Variants in FAM13A observed in about 807,000 individuals in gnomAD.
The protein encoded by FAM13A is family with sequence similarity 13 member A, also known as protein FAM13A.
In FAM13A, 76 loss-of-function variants were observed where a neutral mutation model predicts 129.6. The ratio of observed to expected loss-of-function variants is 0.59; its 90% CI spans 0.49 to 0.71. The LOEUF is 0.71. FAM13A is among the 30% of genes least tolerant of loss of function. FAM13A has a pLI of 0.00. For synonymous variants in FAM13A, 443 were observed against 449.9 expected (o/e 0.98, Z 0.20); for missense variants, 1,108 against 1,249.3 (o/e 0.89, Z 1.70).
intron 6 of FAM13A, among the ~76,000 whole-genome samples, chr4:88,878,158 C>T (rs1442253516): frequency 1.3e-5 from 2 of 151,644 alleles, no homozygotes; most frequent in Middle Eastern, 3.2e-3. Context: ...GGCGTGGTGG[C>T]GGGTGCCTGT....
At chr4:88,865,907 T>G (rs1207631886) in intron 6 of FAM13A, among the ~76,000 whole-genome samples, 10 of 126,050 alleles carry the variant, frequency 7.9e-5, no homozygotes, top group Non-Finnish European at 1.5e-4. Context: ...TTTTTTTTTT[T>G]GAGACAGAGT....
intron 9 of FAM13A, among the ~76,000 whole-genome samples, chr4:88,788,333 A>G (rs1184015362): frequency 2.6e-5 from 4 of 152,190 alleles, no homozygotes; most frequent in Non-Finnish European, 5.9e-5. Context: ...CTACAGAGGA[A>G]GAGAGAGTGA....
chr4:88,730,552 G>A (rs549420327), intron 23 of FAM13A, among the ~76,000 whole-genome samples: 6 of 151,942 alleles, frequency 3.9e-5, no homozygotes, highest in East Asian at 1.9e-4. Flanking sequence ...TACTGCACCC[G>A]GCTAATTTTT....
chr4:88,918,689 T>C (rs4693976), intron 5 of FAM13A, among the ~76,000 whole-genome samples: 44,500 of 152,166 alleles, frequency 0.29, 6,906 homozygotes, highest in African/African-American at 0.4. Flanking sequence ...TGAAAATACA[T>C]GGAGTGAAAA....
At chr4:88,995,948 A>G (rs1004977312) in intron 3 of FAM13A, among the ~76,000 whole-genome samples, 8 of 152,236 alleles carry the variant, frequency 5.3e-5, no homozygotes, top group Non-Finnish European at 7.3e-5. Context: ...GGAGTAAAGC[A>G]GAGTGATGTC....
At chr4:88,957,035 A>G (rs1209314533) in intron 4 of FAM13A, among the ~76,000 whole-genome samples, 1 of 152,104 alleles carries the variant, frequency 6.6e-6, no homozygotes, top group African/African-American at 2.4e-5. Context: ...AGTTATTTAA[A>G]AGTGTGTGGG....
At chr4:88,821,841 C>G (rs538181893) in intron 7 of FAM13A, among the ~76,000 whole-genome samples, 30 of 152,198 alleles carry the variant, frequency 2.0e-4, no homozygotes, top group Non-Finnish European at 3.2e-4. Context: ...ACACCCCCAT[C>G]AGGTTCCCAT....
chr4:88,932,690 C>A (rs879411294), intron 5 of FAM13A, among the ~76,000 whole-genome samples: 2 of 152,128 alleles, frequency 1.3e-5, no homozygotes, highest in Admixed American at 1.3e-4. Flanking sequence ...TGGTAAGTGA[C>A]TTTGATTCTA....
In FAM13A at chr4:88,850,129, A is replaced by G. The variant is rs114497954; in HGVS notation, c.1007+891T>C. Among the ~76,000 whole-genome samples, 926 of 152,264 alleles carry G rather than the reference A, an allele frequency of 6.1e-3. 14 individuals carry two copies. The highest frequency in any genetic ancestry group is 0.021 in the African/African-American group (871 of 41,546). On this transcript the variant is annotated intron_variant, in intron 7 of 23. Coordinates refer to ENST00000264344, the MANE Select transcript of FAM13A (RefSeq NM_014883.4). ...CTTCCTGGAGTATTTTTATTTTAAA[A>G]ATAGGTTATAAGTTATAATAGAAGA... is the stretch of plus-strand genomic sequence containing the variant.
At chr4:88,924,893 A>G (rs1751828174) in intron 5 of FAM13A, among the ~76,000 whole-genome samples, 1 of 151,888 alleles carries the variant, frequency 6.6e-6, no homozygotes, top group African/African-American at 2.4e-5. Context: ...AAGTGGGCAA[A>G]GGATATGAAC....
intron 6 of FAM13A, among the ~76,000 whole-genome samples, chr4:88,859,256 G>A (rs1046843934): frequency 9.9e-5 from 15 of 152,156 alleles, no homozygotes; most frequent in Admixed American, 4.6e-4. Flanking sequence ...ATGCAAATGG[G>A]AATGATTCAA....
At chr4:89,056,915 G>A (rs1031905279) in intron 1 of FAM13A, 23 bp downstream of exon 1, 18 of 1,609,472 alleles carry the variant, frequency 1.1e-5, no homozygotes, top group Non-Finnish European at 1.4e-5. Flanking sequence ...AAACACAGAA[G>A]ACAGAAGAAG....
At chr4:89,037,061 A>C (rs577468844) in intron 1 of FAM13A, among the ~76,000 whole-genome samples, 1 of 152,322 alleles carries the variant, frequency 6.6e-6, no homozygotes, top group East Asian at 1.9e-4. Context: ...GCCCCCATAC[A>C]AGAGTCCCCA....
In FAM13A at chr4:88,727,149, C is replaced by T. The variant is rs1354038452; in HGVS notation, c.*1384G>A. 2.0e-5 allele frequency: 3 copies of T among 152,482 alleles called. No homozygotes were observed. Among genetic ancestry groups the T allele is most frequent in the African/African-American group, 7.2e-5 (3 of 41,438 alleles). The allele number at this position is 152,482 out of a possible 1,614,324, so 9.4% of individuals were successfully genotyped here. On this transcript the variant is annotated 3_prime_UTR_variant, in exon 24 of 24. Transcript: ENST00000264344. The stretch of plus-strand genomic sequence containing the variant: ...GCTGTGTGTTCATACTGTAACACGT[C>T]GTCTAAGGCAGAGCTCCTGAAGCAC...
chr4:88,914,585 A>G (rs76772979), intron 5 of FAM13A, among the ~76,000 whole-genome samples: 326 of 152,168 alleles, frequency 2.1e-3, no homozygotes, highest in African/African-American at 7.6e-3. Flanking sequence ...TTCAGCTCCC[A>G]TGTCACTTCC....
At chr4:88,884,482 G>T (rs1028222706) in intron 6 of FAM13A, among the ~76,000 whole-genome samples, 1 of 152,204 alleles carries the variant, frequency 6.6e-6, no homozygotes, top group South Asian at 2.1e-4. Context: ...AGCAAAACTG[G>T]CATAGAAGAG....
chr4:88,825,825 A>ATG (rs72614905), intron 7 of FAM13A, among the ~76,000 whole-genome samples: 2 of 139,206 alleles, frequency 1.4e-5, no homozygotes, highest in African/African-American at 5.5e-5. Flanking sequence ...TAAAATGTCA[A>ATG]TTTTTTTAAA....
intron 5 of FAM13A, among the ~76,000 whole-genome samples, chr4:88,918,660 C>T (rs1750505066): frequency 6.6e-6 from 1 of 152,226 alleles, no homozygotes; most frequent in African/African-American, 2.4e-5. Flanking sequence ...AGTCAAAATG[C>T]ATCACCTATA....
intron 4 of FAM13A, among the ~76,000 whole-genome samples, chr4:88,968,999 T>C (rs187667846): frequency 1.3e-5 from 2 of 152,286 alleles, no homozygotes; most frequent in Admixed American, 6.5e-5. Context: ...TAAAAGATGT[T>C]CCAAAGAGGT....
Sources: allele counts gnomAD v4.1 joint callset (sites outside exome capture counted in the v4.1 genomes callset), GRCh38; gene constraint gnomAD v4.1.1; transcripts MANE v1.5; gene names NCBI Gene and HGNC (gene_info 2026-07-23, HGNC 2026-07-21).